The following DKK2 variants were observed in gnomAD, a reference collection of about 807,000 sequenced individuals.
The protein encoded by DKK2 is dickkopf-related protein 2.
In DKK2, 11 loss-of-function variants were observed where a neutral mutation model predicts 28.1. The ratio of observed to expected loss-of-function variants is 0.39; its 90% CI spans 0.25 to 0.65. The LOEUF (loss-of-function observed/expected upper bound fraction) is 0.65, where lower values mean the gene tolerates loss of function less well. DKK2 is among the 30% of genes least tolerant of loss of function. DKK2 has a pLI of 0.47. For synonymous variants in DKK2, 135 were observed against 126.5 expected, an observed-to-expected ratio of 1.07 and a Z score of -0.45; for missense variants, 326 against 335.5, an observed-to-expected ratio of 0.97 and a Z score of 0.22.
chr4:106,973,859 AT>A (rs904634217), intron 1 of DKK2, among the ~76,000 whole-genome samples: 3 of 151,892 alleles, frequency 2.0e-5, no homozygotes, highest in African/African-American at 7.3e-5. Context: ...AAGGTTTTTT[AT>A]TGTTTTAGCT....
intron 1 of DKK2, among the ~76,000 whole-genome samples, chr4:107,000,473 G>A (rs868381206): frequency 6.6e-6 from 1 of 152,134 alleles, no homozygotes; most frequent in Non-Finnish European, 1.5e-5. Flanking sequence ...TCATAGTGGA[G>A]GTTTCTACTC....
chr4:106,965,003 AGATT>A (rs757536517), intron 1 of DKK2, among the ~76,000 whole-genome samples: 14,270 of 146,384 alleles, frequency 0.097, 788 homozygotes, highest in African/African-American at 0.14. Flanking sequence ...ATAGATAGAT[AGATT>A]GATTGATTCT....
At chr4:107,001,835 T>C (rs1723363954) in intron 1 of DKK2, among the ~76,000 whole-genome samples, 1 of 152,346 alleles carries the variant, frequency 6.6e-6, no homozygotes, top group South Asian at 2.1e-4. Context: ...CATCTATGCA[T>C]TAAAGATGAT....
chr4:106,941,733 G>A (rs1303428865), intron 1 of DKK2, among the ~76,000 whole-genome samples: 1 of 152,048 alleles, frequency 6.6e-6, no homozygotes, highest in Non-Finnish European at 1.5e-5. Flanking sequence ...TGCTAGAAGT[G>A]TTGCTTATTT....
chr4:106,931,968 G>A (rs1724510672), intron 1 of DKK2, among the ~76,000 whole-genome samples: 1 of 152,062 alleles, frequency 6.6e-6, no homozygotes, highest in African/African-American at 2.4e-5. Context: ...GGCTAATGCA[G>A]TCTATTGAGA....
At chr4:106,938,568 T>G (rs1724638242) in intron 1 of DKK2, among the ~76,000 whole-genome samples, 1 of 152,096 alleles carries the variant, frequency 6.6e-6, no homozygotes, top group African/African-American at 2.4e-5. Flanking sequence ...CTGAAACTAT[T>G]CCAATCAATA....
At chr4:106,960,219 A>T (rs1054922034) in intron 1 of DKK2, among the ~76,000 whole-genome samples, 17 of 151,426 alleles carry the variant, frequency 1.1e-4, no homozygotes, top group African/African-American at 3.4e-4. Context: ...TATATATATA[A>T]AATATGGAAT....
At chr4:106,924,758 T>C (rs1363550142) in intron 2 of DKK2, 58 bp from the exon 3 acceptor site, 1 of 1,511,594 alleles carries the variant, frequency 6.6e-7, no homozygotes, top group Non-Finnish European at 9.1e-7. Context: ...GTGATACTTA[T>C]CCACATACTC....
intron 1 of DKK2, among the ~76,000 whole-genome samples, chr4:106,987,325 GTCAC>G (rs1390994084): frequency 1.3e-5 from 2 of 152,082 alleles, no homozygotes; most frequent in Admixed American, 6.6e-5. Context: ...CATATATACT[GTCAC>G]TGTGTGTGCC....
At chr4:107,026,863 A>C (rs1418737507) in intron 1 of DKK2, among the ~76,000 whole-genome samples, 1 of 152,190 alleles carries the variant, frequency 6.6e-6, no homozygotes, top group Non-Finnish European at 1.5e-5. Flanking sequence ...TGGGGCTTAA[A>C]ATTTTATAAA....
At chr4:106,938,631 T>A (rs1301777010) in intron 1 of DKK2, among the ~76,000 whole-genome samples, 1 of 152,146 alleles carries the variant, frequency 6.6e-6, no homozygotes, top group African/African-American at 2.4e-5. Context: ...ATCATTCTGA[T>A]ACCAAAGCCA....
intron 1 of DKK2, among the ~76,000 whole-genome samples, chr4:107,024,620 G>T (rs1236217830): frequency 6.6e-6 from 1 of 152,074 alleles, no homozygotes; most frequent in Non-Finnish European, 1.5e-5. Flanking sequence ...AATTCAGGGT[G>T]GCACGGTCTT....
intron 1 of DKK2, among the ~76,000 whole-genome samples, chr4:107,028,857 C>A (rs999997151): frequency 2.0e-5 from 3 of 152,134 alleles, no homozygotes; most frequent in Non-Finnish European, 4.4e-5. Flanking sequence ...TGTCACATAG[C>A]GACATTCAGA....
intron 1 of DKK2, among the ~76,000 whole-genome samples, chr4:107,026,715 T>C (rs1723785901): frequency 1.4e-5 from 2 of 142,084 alleles, no homozygotes; most frequent in South Asian, 4.6e-4. Flanking sequence ...TTTTGATAAC[T>C]ATGAGAAATC....
intron 1 of DKK2, among the ~76,000 whole-genome samples, chr4:106,944,472 C>T (rs1724749226): frequency 6.6e-6 from 1 of 152,046 alleles, no homozygotes; most frequent in Non-Finnish European, 1.5e-5. Context: ...GTTTTAGAAA[C>T]ATCCATATAT....
At position 107,035,543 on chromosome 4, in the gene DKK2, G is replaced by A; in HGVS notation, c.49C>T (p.Leu17=). The A allele has an allele frequency of 6.2e-7, 1 of 1,614,218 alleles. No individual in the cohort carries two copies. Among genetic ancestry groups the A allele is most frequent in the Non-Finnish European group, 8.5e-7 (1 of 1,180,046 alleles). ...SKDSSCCLLL[L]AAVLMVESSQ... ...CTCTCCACCATCAGCACCGCGGCCA[G>A]TAGGAGCAGGCAGCAGGACGAATCC... The change falls in exon 1 of 4, where the codon CTG becomes TTG. Residue 17 remains leucine (L), a synonymous_variant. Coordinates refer to ENST00000285311, the MANE Select transcript of DKK2 (RefSeq NM_014421.3).
chr4:106,926,556 C>T (rs375616841), intron 1 of DKK2, among the ~76,000 whole-genome samples: 11 of 152,208 alleles, frequency 7.2e-5, no homozygotes, highest in East Asian at 3.9e-4. Context: ...ATTCCAAACA[C>T]GGTGATAAGC....
chr4:106,932,527 C>T (rs2110340651), intron 1 of DKK2, among the ~76,000 whole-genome samples: 1 of 152,264 alleles, frequency 6.6e-6, no homozygotes, highest in South Asian at 2.1e-4. Flanking sequence ...CATATGGTCT[C>T]AGCTCCTAGA....
intron 1 of DKK2, among the ~76,000 whole-genome samples, chr4:106,927,325 C>T (rs1724438738): frequency 6.6e-6 from 1 of 152,056 alleles, no homozygotes; most frequent in South Asian, 2.1e-4. Flanking sequence ...ACACATTGAG[C>T]CCTCACATGT....
Sources: gnomAD v4.1 joint callset for allele counts (sites outside exome capture counted in the v4.1 genomes callset) on GRCh38, gnomAD v4.1.1 for gene constraint, MANE v1.5 for transcripts, NCBI Gene and HGNC (gene_info 2026-07-23, HGNC 2026-07-21) for gene names.